Variants in RXRA observed in about 807,000 individuals in gnomAD.
RXRA encodes the protein retinoic acid receptor RXR-alpha.
In RXRA, 5 loss-of-function variants were observed where a neutral mutation model predicts 44.5. The observed-to-expected ratio is 0.11, with a 90% CI of 0.06 to 0.24. RXRA has a LOEUF of 0.24. Ranked by LOEUF, RXRA falls within the 10% of genes least tolerant of loss-of-function variation. The pLI is 1.00. For synonymous variants in RXRA, 291 were observed against 271.4 expected, an observed-to-expected ratio of 1.07 and a Z score of -0.71; for missense variants, 412 against 646.5, an observed-to-expected ratio of 0.64 and a Z score of 3.93.
chr9:134,438,086 G>C lies in RXRA; in HGVS notation c.*1472G>C, dbSNP rs1257393186. On this transcript the variant is annotated 3_prime_UTR_variant, in exon 10 of 10. Transcript: ENST00000481739. ...TCCCTTTGGCCTGAGTACTTTTCCC[G>C]TTCACGCCTCAGTCCCGTGGACCCA... is the stretch of plus-strand genomic sequence containing the variant. 6.6e-6 allele frequency: 1 copy of C among 152,590 alleles called. No homozygotes were observed. The highest frequency in any genetic ancestry group is 1.5e-5 in the Non-Finnish European group (1 of 68,104). 9.5% of individuals were successfully genotyped at this position (152,590 alleles called of 1,614,324 possible).
chr9:134,412,346 A>G (rs1237862621), intron 4 of RXRA, among the ~76,000 whole-genome samples: 5 of 152,218 alleles, frequency 3.3e-5, no homozygotes, highest in Non-Finnish European at 7.3e-5. Flanking sequence ...TCAGACCCCT[A>G]GAAACAGGCT....
chr9:134,364,384 G>A (rs1830389120), intron 1 of RXRA, among the ~76,000 whole-genome samples: 1 of 152,224 alleles, frequency 6.6e-6, no homozygotes, highest in African/African-American at 2.4e-5. Flanking sequence ...ATGGGCAGCT[G>A]ACCCTCAGAT....
intron 1 of RXRA, among the ~76,000 whole-genome samples, chr9:134,376,143 C>T (rs1280382076): frequency 6.6e-6 from 1 of 152,182 alleles, no homozygotes; most frequent in African/African-American, 2.4e-5. Context: ...TCCCACCGGC[C>T]CCGCTGGTTG....
intron 1 of RXRA, among the ~76,000 whole-genome samples, chr9:134,393,245 T>C (rs1412100633): frequency 6.6e-6 from 1 of 152,086 alleles, no homozygotes; most frequent in Non-Finnish European, 1.5e-5. Context: ...CACAGGGTGG[T>C]GAAGGGGGCA....
intron 1 of RXRA, among the ~76,000 whole-genome samples, chr9:134,361,951 C>T (rs1053162020): frequency 1.3e-4 from 20 of 152,194 alleles, no homozygotes; most frequent in African/African-American, 4.6e-4. Flanking sequence ...GCTCCGGCTG[C>T]GCTGGGTTTC....
chr9:134,365,647 C>T lies in RXRA; in HGVS notation c.29-35985C>T, dbSNP rs577716969. ...GTCCCTCAGCAGGCCTGGGACTGGG[C>T]GGGGACAGTGGGGATGAGTTTCAGG... On this transcript the variant is annotated intron_variant, in intron 1 of 9. Coordinates refer to ENST00000481739, the MANE Select transcript of RXRA (RefSeq NM_002957.6). The surrounding 1 kb of genome is among the most constrained non-coding windows in gnomAD (Gnocchi z 4.0). 5.3e-5 allele frequency among the ~76,000 whole-genome samples: 8 copies of T among 151,530 alleles called. No individual in the cohort carries two copies. The highest frequency in any genetic ancestry group is 8.8e-5 in the Non-Finnish European group (6 of 67,882).
chr9:134,327,102 G>T (rs1274421892), intron 1 of RXRA, among the ~76,000 whole-genome samples: 2 of 152,080 alleles, frequency 1.3e-5, no homozygotes, highest in South Asian at 2.1e-4. Flanking sequence ...CGCCCGTCGG[G>T]CTGCGGCTTC....
Position 134,366,718 on chromosome 9 carries a change from A to G in RXRA, c.29-34914A>G, listed in dbSNP as rs1830419307. 1.3e-5 allele frequency among the ~76,000 whole-genome samples: 2 copies of G among 152,174 alleles called. No homozygotes were observed. Among genetic ancestry groups the G allele is most frequent in the African/African-American group, 2.4e-5 (1 of 41,426 alleles). The stretch of plus-strand genomic sequence containing the variant: ...GCCTCAGAAGCTGAACCCCGGGGAC[A>G]GTGTTGGTCAGAAAAGCCATAGACT... On this transcript the variant is annotated intron_variant, in intron 1 of 9. Coordinates refer to ENST00000481739, the MANE Select transcript of RXRA (RefSeq NM_002957.6). The surrounding 1 kb of genome is among the most constrained non-coding windows in gnomAD (Gnocchi z 5.9).
In RXRA at chr9:134,366,369, A is replaced by G. The variant is rs2119071418; in HGVS notation, c.29-35263A>G. 6.6e-6 allele frequency among the ~76,000 whole-genome samples: 1 copy of G among 152,060 alleles called. No homozygotes were observed. Among genetic ancestry groups the G allele is most frequent in the Non-Finnish European group, 1.5e-5 (1 of 67,952 alleles). On this transcript the variant is annotated intron_variant, in intron 1 of 9. Coordinates refer to ENST00000481739, the MANE Select transcript of RXRA (RefSeq NM_002957.6). This position sits in a 1 kb window ranked among gnomAD's most constrained non-coding sequence, Gnocchi z 5.9. ...GCCTTGGCACAGGCTCCAGAATTGC[A>G]CGTGATCTCAGACGGTTCCCAGCTT...
intron 1 of RXRA, among the ~76,000 whole-genome samples, chr9:134,382,623 G>A (rs1394918015): frequency 6.6e-6 from 1 of 152,168 alleles, no homozygotes; most frequent in East Asian, 1.9e-4. Context: ...GGATTCACGA[G>A]GGAGGGGCCT....
chr9:134,423,106 G>C (rs994573574), intron 6 of RXRA: 34 of 985,350 alleles, frequency 3.5e-5, no homozygotes, highest in Non-Finnish European at 4.0e-5. Flanking sequence ...CCGCAAAGCT[G>C]GTCCCCCACC....
At chr9:134,410,926 A>AG (rs1225760504) in intron 4 of RXRA, among the ~76,000 whole-genome samples, 2 of 152,184 alleles carry the variant, frequency 1.3e-5, no homozygotes, top group South Asian at 2.1e-4. Context: ...TCAGATAACC[A>AG]GGGGGGGCCC....
chr9:134,427,110 G>A lies in RXRA; in HGVS notation c.911-1998G>A, dbSNP rs187051632. ...ATTACCCACATGTCAGATTGAGGGGGCCTCTTCTAGATTAGACTTCTCCCA... is the reference window on the plus strand; with the variant it reads ...ATTACCCACATGTCAGATTGAGGGGACCTCTTCTAGATTAGACTTCTCCCA... On this transcript the variant is annotated intron_variant, in intron 6 of 9. Coordinates refer to ENST00000481739, the MANE Select transcript of RXRA (RefSeq NM_002957.6). The A allele has an allele frequency of 4.6e-5, 45 of 984,556 alleles. No homozygotes were observed. The African/African-American group carries it at 6.8e-4, about 15-fold the overall frequency. The allele number at this position is 984,556 out of a possible 1,614,324, so 61.0% of individuals were successfully genotyped here. A position where few individuals can be genotyped will look rare whatever the true frequency, so the allele number is the denominator to read the frequency against.
chr9:134,367,566 C>T (rs1830430086), intron 1 of RXRA, among the ~76,000 whole-genome samples: 3 of 152,250 alleles, frequency 2.0e-5, no homozygotes, highest in Admixed American at 1.3e-4. Context: ...GGATGTGAAA[C>T]CCCCGGCTCC....
At chr9:134,421,341 G>T (rs1232055398) in intron 5 of RXRA, among the ~76,000 whole-genome samples, 2 of 152,080 alleles carry the variant, frequency 1.3e-5, no homozygotes, top group Non-Finnish European at 2.9e-5. Flanking sequence ...ACCCAGCAGT[G>T]TCTCTCTCCC....
Position 134,349,904 on chromosome 9 carries a change from T to C in RXRA, c.28+23245T>C, listed in dbSNP as rs1554749267. 6.6e-6 allele frequency among the ~76,000 whole-genome samples: 1 copy of C among 152,136 alleles called. No homozygotes were observed. Among genetic ancestry groups the C allele is most frequent in the Non-Finnish European group, 1.5e-5 (1 of 68,010 alleles). ...CGATCTCATCCTGCCTGTGACACCT[T>C]CCTCTCCTCCTGTTTGGGTCAGCTC... On this transcript the variant is annotated intron_variant, in intron 1 of 9. Transcript: ENST00000481739. The surrounding 1 kb of genome is among the most constrained non-coding windows in gnomAD (Gnocchi z 4.3).
chr9:134,336,819 G>C (rs1830013403), intron 1 of RXRA, among the ~76,000 whole-genome samples: 1 of 152,228 alleles, frequency 6.6e-6, no homozygotes, highest in Non-Finnish European at 1.5e-5. Flanking sequence ...CCCGTTCCTT[G>C]CAAAGTTGAT....
chr9:134,404,142 A>G (rs1293034295), intron 2 of RXRA: 1 of 152,244 alleles, frequency 6.6e-6, no homozygotes, highest in Non-Finnish European at 1.5e-5. Context: ...CCACAACCGC[A>G]AAGTCAGAGT....
At position 134,425,393 on chromosome 9, in the gene RXRA, C is replaced by T. The variant is rs917026048; in HGVS notation, c.910+3588C>T. On this transcript the variant is annotated intron_variant, in intron 6 of 9. Coordinates refer to ENST00000481739, the MANE Select transcript of RXRA (RefSeq NM_002957.6). ...TCAGATGAGTAAACTGAGACAGGGC[C>T]GGGTCGCTCACAGCTTTCAGGTTTC... 2.9e-5 allele frequency: 29 copies of T among 985,162 alleles called. No individual in the cohort carries two copies. The South Asian group carries it at 6.1e-4, about 21-fold the overall frequency. 61.0% of individuals were successfully genotyped at this position (985,162 alleles called of 1,614,324 possible). A position where few individuals can be genotyped will look rare whatever the true frequency, so the allele number is the denominator to read the frequency against.
Sources: allele counts gnomAD v4.1 joint callset (sites outside exome capture counted in the v4.1 genomes callset), GRCh38; gene constraint gnomAD v4.1.1; non-coding constraint Gnocchi (gnomAD v3.1); transcripts MANE v1.5; gene names NCBI Gene and HGNC (gene_info 2026-07-23, HGNC 2026-07-21).